ENPEP: variants seen among roughly 807,000 people sequenced by gnomAD.
ENPEP encodes the protein AP-A.
Under a neutral mutation model 114.5 loss-of-function variants are expected in ENPEP, and 103 were observed. That is an observed-to-expected ratio of 0.90 (90% CI 0.77 to 1.06). The LOEUF (loss-of-function observed/expected upper bound fraction) is 1.06, where lower values mean the gene tolerates loss of function less well. ENPEP is among the 50% of genes least tolerant of loss of function. The pLI, the probability that ENPEP is intolerant of heterozygous loss-of-function variation, is 0.00. For missense variants in ENPEP, 1,196 were observed against 1,161.3 expected (o/e 1.03, Z -0.43); for synonymous variants, 420 against 422.0 (o/e 1.00, Z 0.06).
At chr4:110,491,222 C>A in intron 3 of ENPEP, 58 bp downstream of exon 3, 8 of 1,444,622 alleles carry the variant, frequency 5.5e-6, no homozygotes, top group Non-Finnish European at 7.4e-6. Context: ...TAATTATCTA[C>A]CTTTTTTGGG....
chr4:110,544,580 A>G (rs1327900550), intron 13 of ENPEP, among the ~76,000 whole-genome samples: 1 of 152,164 alleles, frequency 6.6e-6, no homozygotes, highest in Non-Finnish European at 1.5e-5. Context: ...AATCTGGGAA[A>G]TTAAATGATG....
intron 13 of ENPEP, among the ~76,000 whole-genome samples, chr4:110,544,209 G>C (rs1726963472): frequency 6.6e-6 from 1 of 151,962 alleles, no homozygotes; most frequent in South Asian, 2.1e-4. Context: ...CTTCTCTCTG[G>C]CTCAATTTTC....
Position 110,510,281 on chromosome 4 carries a change from G to A in ENPEP, c.1231G>A (p.Asp411Asn). Residue 411 changes from aspartate to asparagine, a missense_variant, in exon 6 of 20, where the codon GAC (aspartate) becomes AAC (asparagine). Coordinates refer to ENST00000265162, the MANE Select transcript of ENPEP (RefSeq NM_001977.4). ...GNIVTMDWWE[D>N]LWLNEGFASF... ...TATTGTGACCATGGACTGGTGGGAAGACTTGTGGCTAAATGAAGGATTTGC... is the reference window on the plus strand; with the variant it reads ...TATTGTGACCATGGACTGGTGGGAAAACTTGTGGCTAAATGAAGGATTTGC... 1 of 1,614,186 alleles carries A rather than the reference G, an allele frequency of 6.2e-7. No homozygotes were observed. The highest frequency in any genetic ancestry group is 8.5e-7 in the Non-Finnish European group (1 of 1,180,030).
intron 10 of ENPEP, among the ~76,000 whole-genome samples, chr4:110,528,636 G>T (rs1416713100): frequency 2.6e-5 from 4 of 152,160 alleles, no homozygotes; most frequent in African/African-American, 9.7e-5. Flanking sequence ...CCATCTCTTA[G>T]AAATGAGCCA....
At chr4:110,523,937 A>G (rs1028830573) in intron 10 of ENPEP, among the ~76,000 whole-genome samples, 1 of 152,204 alleles carries the variant, frequency 6.6e-6, no homozygotes, top group African/African-American at 2.4e-5. Context: ...GGTGTTAAAC[A>G]TTTACCAGTA....
intron 3 of ENPEP, chr4:110,500,309 G>A (rs970027975): frequency 6.6e-6 from 1 of 152,182 alleles, no homozygotes; most frequent in Admixed American, 6.5e-5. Flanking sequence ...CAAAAGCTAT[G>A]TTAAAGCAGA....
intron 18 of ENPEP, among the ~76,000 whole-genome samples, chr4:110,558,487 G>A (rs1727569110): frequency 1.3e-5 from 2 of 151,784 alleles, no homozygotes; most frequent in South Asian, 4.1e-4. Context: ...TAGATATGGG[G>A]TTTCACCATG....
Position 110,549,565 on chromosome 4 carries a change from A to G in ENPEP, c.2263A>G (p.Met755Val). ...CTCCGTGTTAGGGTTTGCGTGCAAGATGGGAGACAGAGAAGCCTTGAACAA... is the reference window on the plus strand; with the variant it reads ...CTCCGTGTTAGGGTTTGCGTGCAAGGTGGGAGACAGAGAAGCCTTGAACAA... ...RSSVLGFACK[M>V]GDREALNNAS... Residue 755 changes from methionine to valine, a missense_variant, in exon 16 of 20, where the codon ATG (methionine) becomes GTG (valine). Met to Val is a conservative substitution (Grantham distance 21). Coordinates refer to ENST00000265162, the MANE Select transcript of ENPEP (RefSeq NM_001977.4). 3 of 1,613,644 alleles carry G rather than the reference A, an allele frequency of 1.9e-6. No homozygotes were observed. Among genetic ancestry groups the G allele is most frequent in the Non-Finnish European group, 2.5e-6 (3 of 1,179,694 alleles).
intron 11 of ENPEP, among the ~76,000 whole-genome samples, chr4:110,531,478 TTGAC>T (rs924744645): frequency 3.9e-5 from 6 of 152,186 alleles, no homozygotes; most frequent in Non-Finnish European, 8.8e-5. Flanking sequence ...ATGATTTATC[TTGAC>T]TGACTGATTT....
intron 13 of ENPEP, 33 bp downstream of exon 13, chr4:110,543,103 A>C: frequency 6.4e-7 from 1 of 1,574,646 alleles, no homozygotes; most frequent in Non-Finnish European, 8.7e-7. Context: ...ATTACTTAAA[A>C]TACTGTGGGT....
intron 18 of ENPEP, among the ~76,000 whole-genome samples, chr4:110,556,548 A>G (rs1431272838): frequency 6.6e-6 from 1 of 152,084 alleles, no homozygotes. Context: ...CCCTACAACT[A>G]TACGTAGTGT....
Position 110,561,905 on chromosome 4 carries a change from G to C in ENPEP, c.*347G>C, listed in dbSNP as rs896347462. 3.0e-5 allele frequency: 5 copies of C among 166,764 alleles called. No homozygotes were observed. Among genetic ancestry groups the C allele is most frequent in the African/African-American group, 1.2e-4 (5 of 41,658 alleles). 10.3% of individuals were successfully genotyped at this position (166,764 alleles called of 1,614,324 possible). A position where few individuals can be genotyped will look rare whatever the true frequency, so the allele number is the denominator to read the frequency against. ...ATTTGGTCTTAGCTTTACATTTTCA[G>C]TACCAAAGAAACACCACTTAATCTT... is the stretch of plus-strand genomic sequence containing the variant. On this transcript the variant is annotated 3_prime_UTR_variant, in exon 20 of 20. Transcript: ENST00000265162.
intron 3 of ENPEP, among the ~76,000 whole-genome samples, chr4:110,498,958 T>C (rs1268863791): frequency 6.6e-6 from 1 of 152,242 alleles, no homozygotes; most frequent in African/African-American, 2.4e-5. Flanking sequence ...TTTGCTTTTT[T>C]CCTGGCCTTC....
intron 13 of ENPEP, 30 bp from the exon 14 acceptor site, chr4:110,548,139 GTTTTTTT>G (rs3042468): frequency 9.0e-4 from 624 of 691,530 alleles, no homozygotes; most frequent in African/African-American, 2.5e-3. Flanking sequence ...TTAACTGTGA[GTTTTTTT>G]TTTTTTTTTT....
intron 10 of ENPEP, among the ~76,000 whole-genome samples, chr4:110,528,409 T>C (rs1484554474): frequency 6.6e-6 from 1 of 152,200 alleles, no homozygotes; most frequent in Non-Finnish European, 1.5e-5. Context: ...TTAGCTTTTT[T>C]TCCAATCCTA....
intron 3 of ENPEP, among the ~76,000 whole-genome samples, chr4:110,496,212 A>G (rs1724931695): frequency 6.6e-6 from 1 of 152,164 alleles, no homozygotes; most frequent in Non-Finnish European, 1.5e-5. Context: ...GTATGTATAT[A>G]TGCCATGGAT....
intron 1 of ENPEP, among the ~76,000 whole-genome samples, chr4:110,481,751 A>T (rs1461090060): frequency 2.6e-5 from 4 of 152,170 alleles, no homozygotes; most frequent in Admixed American, 6.5e-5. Context: ...TGTACTTAGG[A>T]ATGCAATCTC....
chr4:110,542,816 G>C lies in ENPEP; in HGVS notation c.1873G>C (p.Gly625Arg). 1 of 1,613,046 alleles carries C rather than the reference G, an allele frequency of 6.2e-7. No individual in the cohort carries two copies. Among genetic ancestry groups the C allele is most frequent in the Non-Finnish European group, 8.5e-7 (1 of 1,179,344 alleles). The change falls in exon 12 of 20, where the codon GGG becomes CGG. Residue 625 changes from glycine (G) to arginine (R), a missense_variant. By Grantham distance (125) the Gly-to-Arg change is moderately radical. Transcript: ENST00000265162. ...TCTCAAAATAAACCCAGATCATATT[G>C]GGTTTTATCGTGTAAATTATGAAGT... ...AFLKINPDHI[G>R]FYRVNYEVAT...
intron 3 of ENPEP, among the ~76,000 whole-genome samples, chr4:110,493,692 G>C (rs545036774): frequency 6.6e-6 from 1 of 152,222 alleles, no homozygotes; most frequent in East Asian, 1.9e-4. Context: ...CATTTGGGAG[G>C]TTCCCCTCCT....
Sources: allele counts gnomAD v4.1 joint callset (sites outside exome capture counted in the v4.1 genomes callset), GRCh38; gene constraint gnomAD v4.1.1; transcripts MANE v1.5; gene names NCBI Gene and HGNC (gene_info 2026-07-23, HGNC 2026-07-21).